The following TCF12 variants were observed in gnomAD, a reference collection of about 807,000 sequenced individuals.
TCF12 encodes DNA-binding protein HTF4.
In TCF12, 45 loss-of-function variants were observed where a neutral mutation model predicts 86.0. The ratio of observed to expected loss-of-function variants is 0.52; its 90% CI spans 0.41 to 0.67. The LOEUF (loss-of-function observed/expected upper bound fraction) is 0.67. TCF12 is among the 30% of genes least tolerant of loss of function. TCF12 has a pLI of 0.00. For missense variants in TCF12, 881 were observed against 859.9 expected (o/e 1.02, Z -0.31); for synonymous variants, 330 against 299.6 (o/e 1.10, Z -1.05).
At chr15:56,973,689 C>G (rs1180306781) in intron 3 of TCF12, among the ~76,000 whole-genome samples, 1 of 152,044 alleles carries the variant, frequency 6.6e-6, no homozygotes, top group East Asian at 1.9e-4. Context: ...TAACAAGATA[C>G]TTACATAGAT....
intron 20 of TCF12, 133 bp downstream of exon 20, chr15:57,282,731 C>G: frequency 8.8e-6 from 10 of 1,140,742 alleles, no homozygotes; most frequent in Non-Finnish European, 1.2e-5. Context: ...TGAAATATAA[C>G]AGTTTGTCTT....
intron 3 of TCF12, among the ~76,000 whole-genome samples, chr15:57,013,046 TTA>T (rs1211599994): frequency 1.3e-5 from 2 of 152,126 alleles, no homozygotes; most frequent in Non-Finnish European, 2.9e-5. Flanking sequence ...TTTTTTTTTT[TTA>T]TGTGTGTGAA....
intron 4 of TCF12, among the ~76,000 whole-genome samples, chr15:57,082,862 C>G (rs1399169216): frequency 1.3e-5 from 2 of 152,008 alleles, no homozygotes; most frequent in Non-Finnish European, 2.9e-5. Flanking sequence ...GAGACATATT[C>G]CTAAAATGTT....
In TCF12 at chr15:57,157,753, G is replaced by T. The variant is rs550482619; in HGVS notation, c.326-8649G>T. 5.9e-5 allele frequency among the ~76,000 whole-genome samples: 9 copies of T among 151,872 alleles called. No homozygotes were observed. The South Asian group carries it at 1.9e-3, about 32-fold the overall frequency. On this transcript the variant is annotated intron_variant, in intron 5 of 20. Coordinates refer to ENST00000333725, the MANE Select transcript of TCF12 (RefSeq NM_207037.2). Reference sequence around the variant, plus strand: ...AATTTTTGTATTTTTAGTAGAGATGGGGTTTCACTATGTTGGCTAGGCTGG... The same window carrying T: ...AATTTTTGTATTTTTAGTAGAGATGTGGTTTCACTATGTTGGCTAGGCTGG...
rs2060103080 is a variant in TCF12 at position 57,251,252 on chromosome 15, A to T, written c.1115-98A>T. 3.0e-6 allele frequency: 3 copies of T among 993,056 alleles called. No individual in the cohort carries two copies. The African/African-American group carries it at 4.9e-5, about 16-fold the overall frequency. The allele number at this position is 993,056 out of a possible 1,614,324, so 61.5% of individuals were successfully genotyped here. The stretch of plus-strand genomic sequence containing the variant: ...AAGGCCAAACAAAAATATTCATGTA[A>T]ATTTATTTAGTTATTGAGTATCTTT... On this transcript the variant is annotated intron_variant, in intron 13 of 20. Transcript: ENST00000333725.
At chr15:57,283,747 TGATA>T (rs1487323794) in intron 20 of TCF12, among the ~76,000 whole-genome samples, 4 of 152,326 alleles carry the variant, frequency 2.6e-5, no homozygotes, top group South Asian at 2.1e-4. Flanking sequence ...GTCTGGAATT[TGATA>T]GATTGTTTGA....
chr15:56,941,409 G>A (rs1261747683), intron 3 of TCF12, among the ~76,000 whole-genome samples: 1 of 145,888 alleles, frequency 6.9e-6, no homozygotes, highest in Non-Finnish European at 1.5e-5. Context: ...TTTTGCTGTT[G>A]TTGCCCAGGC....
intron 7 of TCF12, among the ~76,000 whole-genome samples, chr15:57,196,671 A>G (rs1367311259): frequency 1.3e-5 from 2 of 152,250 alleles, no homozygotes; most frequent in Non-Finnish European, 2.9e-5. Flanking sequence ...TAACTCATCA[A>G]GTGAGACTGG....
intron 6 of TCF12, among the ~76,000 whole-genome samples, chr15:57,172,350 A>C (rs1270992269): frequency 7.9e-5 from 12 of 152,364 alleles, no homozygotes; most frequent in African/African-American, 2.9e-4. Flanking sequence ...CAAAAAACTT[A>C]GTAAAGATGT....
chr15:56,918,375 CCAGGAGGCCCGG>C (rs1445820091), upstream of TCF12: 2 of 383,732 alleles, frequency 5.2e-6, no homozygotes, highest in East Asian at 8.2e-5. Context: ...CACCCCGCTC[CCAGGAGGCCCGG>C]ACGAGGCTTC....
intron 3 of TCF12, among the ~76,000 whole-genome samples, chr15:56,976,588 T>G (rs1211154202): frequency 1.3e-5 from 2 of 152,066 alleles, no homozygotes; most frequent in Non-Finnish European, 2.9e-5. Context: ...AATTTGTATT[T>G]AAGCCCTAAT....
intron 3 of TCF12, among the ~76,000 whole-genome samples, chr15:56,946,404 A>C (rs1175189886): frequency 6.6e-6 from 1 of 152,114 alleles, no homozygotes; most frequent in Non-Finnish European, 1.5e-5. Flanking sequence ...TTCATTTCAC[A>C]GAGTGTATTT....
At chr15:57,280,210 A>C (rs1352218683) in intron 19 of TCF12, among the ~76,000 whole-genome samples, 1 of 139,242 alleles carries the variant, frequency 7.2e-6, no homozygotes, top group Non-Finnish European at 1.7e-5. Context: ...TATAAAAAAC[A>C]AACTGATGAA....
chr15:57,062,070 C>T (rs990528008), intron 3 of TCF12, among the ~76,000 whole-genome samples: 3 of 152,056 alleles, frequency 2.0e-5, no homozygotes, highest in South Asian at 4.1e-4. Flanking sequence ...TATTCTCCTG[C>T]CTCAGCCTCC....
At chr15:57,079,489 C>T (rs1238127033) in intron 4 of TCF12, among the ~76,000 whole-genome samples, 1 of 152,124 alleles carries the variant, frequency 6.6e-6, no homozygotes, top group Non-Finnish European at 1.5e-5. Context: ...TGGAGTGGAA[C>T]AGTACTTTTT....
At chr15:57,193,745 C>T (rs1245699731) in intron 7 of TCF12, among the ~76,000 whole-genome samples, 1 of 152,136 alleles carries the variant, frequency 6.6e-6, no homozygotes, top group East Asian at 1.9e-4. Flanking sequence ...TTCCTGGTCT[C>T]TGGGTCTAGG....
intron 3 of TCF12, among the ~76,000 whole-genome samples, chr15:56,931,960 G>T (rs1227036040): frequency 6.6e-6 from 1 of 152,132 alleles, no homozygotes; most frequent in African/African-American, 2.4e-5. Context: ...AAGTTTGTAG[G>T]GGTTTGAGAT....
chr15:57,095,676 T>G (rs1472246969), intron 5 of TCF12, among the ~76,000 whole-genome samples: 2 of 152,140 alleles, frequency 1.3e-5, no homozygotes, highest in African/African-American at 4.8e-5. Flanking sequence ...AATTTTTCTT[T>G]TAAAGAGTGA....
In TCF12 at chr15:57,194,972, G is replaced by A. The variant is rs572542809; in HGVS notation, c.526+2679G>A. ...GGCTGGAGTACAATGGCATGATCTCGGCTCACTGCAACCTCTGCCTCCCGG... is the reference window on the plus strand; with the variant it reads ...GGCTGGAGTACAATGGCATGATCTCAGCTCACTGCAACCTCTGCCTCCCGG... On this transcript the variant is annotated intron_variant, in intron 7 of 20. Transcript: ENST00000333725. Among the ~76,000 whole-genome samples the A allele has an allele frequency of 3.9e-5, 6 of 152,116 alleles. No homozygotes were observed. In the East Asian group the frequency reaches 7.7e-4, roughly 20 times the overall value.
Sources: allele counts gnomAD v4.1 joint callset (sites outside exome capture counted in the v4.1 genomes callset), GRCh38; gene constraint gnomAD v4.1.1; transcripts MANE v1.5; gene names NCBI Gene and HGNC (gene_info 2026-07-23, HGNC 2026-07-21).